PDZRN4: variants seen among roughly 807,000 people sequenced by gnomAD.
PDZRN4 encodes the protein PDZ domain-containing RING finger protein 4.
A neutral mutation model predicts 99.0 loss-of-function variants in PDZRN4; 70 were observed. The observed-to-expected ratio is 0.71, with a 90% CI of 0.58 to 0.86. The LOEUF is 0.86. PDZRN4 is among the 40% of genes least tolerant of loss of function. The pLI is 0.00. For synonymous variants in PDZRN4, 551 were observed against 501.6 expected, an observed-to-expected ratio of 1.10 and a Z score of -1.32; for missense variants, 1,474 against 1,331.2, an observed-to-expected ratio of 1.11 and a Z score of -1.67.
At chr12:41,459,000 ATTAGGTTTGAG>A (rs1420704554) in intron 3 of PDZRN4, among the ~76,000 whole-genome samples, 2 of 40,240 alleles carry the variant, frequency 5.0e-5, no homozygotes, top group Non-Finnish European at 9.5e-5. Context: ...TAGATGAGGA[ATTAGGTTTGAG>A]ATCAGAGTTC....
chr12:41,557,560 G>A (rs759743042), intron 7 of PDZRN4, among the ~76,000 whole-genome samples: 24 of 152,124 alleles, frequency 1.6e-4, no homozygotes, highest in Admixed American at 6.5e-4. Context: ...CTCTGCCTGC[G>A]TGGCCTGGGC....
chr12:41,566,315 T>C (rs189647171), intron 8 of PDZRN4, among the ~76,000 whole-genome samples: 187 of 152,298 alleles, frequency 1.2e-3, no homozygotes, highest in Non-Finnish European at 2.1e-3. Flanking sequence ...AATTCCTTGA[T>C]GTGTTTGTGA....
At chr12:41,207,047 A>AT (rs1184600346) in intron 3 of PDZRN4, among the ~76,000 whole-genome samples, 8 of 151,962 alleles carry the variant, frequency 5.3e-5, no homozygotes, top group Admixed American at 2.0e-4. Flanking sequence ...CTTCTTCTGA[A>AT]TGTGTAGGTG....
intron 3 of PDZRN4, among the ~76,000 whole-genome samples, chr12:41,394,406 T>G (rs1270990156): frequency 1.3e-5 from 2 of 152,230 alleles, no homozygotes; most frequent in Admixed American, 6.5e-5. Context: ...CTTTGTATGA[T>G]AGCAGAATCT....
At chr12:41,381,922 G>C (rs1452263718) in intron 3 of PDZRN4, among the ~76,000 whole-genome samples, 1 of 152,124 alleles carries the variant, frequency 6.6e-6, no homozygotes, top group East Asian at 1.9e-4. Context: ...CCAGCTGGTA[G>C]CATTTACAGG....
At chr12:41,524,215 G>A (rs543125696) in intron 5 of PDZRN4, among the ~76,000 whole-genome samples, 1 of 152,202 alleles carries the variant, frequency 6.6e-6, no homozygotes, top group East Asian at 1.9e-4. Flanking sequence ...AGCAGACACA[G>A]ACAAATGGAA....
At chr12:41,494,474 A>G (rs1937953685) in intron 3 of PDZRN4, among the ~76,000 whole-genome samples, 1 of 152,120 alleles carries the variant, frequency 6.6e-6, no homozygotes, top group Admixed American at 6.6e-5. Flanking sequence ...TGTTGTTATT[A>G]TAGTCTATTT....
intron 5 of PDZRN4, among the ~76,000 whole-genome samples, chr12:41,547,897 G>A (rs1285930626): frequency 6.6e-6 from 1 of 152,186 alleles, no homozygotes; most frequent in Non-Finnish European, 1.5e-5. Flanking sequence ...CCTGGGCCTA[G>A]AGAAATGTGA....
At chr12:41,395,924 A>G (rs1363862851) in intron 3 of PDZRN4, among the ~76,000 whole-genome samples, 1 of 152,044 alleles carries the variant, frequency 6.6e-6, no homozygotes, top group African/African-American at 2.4e-5. Flanking sequence ...GTAGTACCCT[A>G]TGTTTAATAT....
intron 5 of PDZRN4, among the ~76,000 whole-genome samples, chr12:41,529,292 C>A (rs2120734039): frequency 6.6e-6 from 1 of 152,210 alleles, no homozygotes; most frequent in South Asian, 2.1e-4. Flanking sequence ...GTATTACACT[C>A]ATTTCTCATT....
At chr12:41,343,943 A>G (rs1030180565) in intron 3 of PDZRN4, among the ~76,000 whole-genome samples, 1 of 152,100 alleles carries the variant, frequency 6.6e-6, no homozygotes, top group African/African-American at 2.4e-5. Flanking sequence ...TGGCAGTCTT[A>G]TGGTATATTA....
At chr12:41,570,866 C>A (rs534494882) in intron 9 of PDZRN4, among the ~76,000 whole-genome samples, 8 of 152,096 alleles carry the variant, frequency 5.3e-5, no homozygotes, top group South Asian at 4.1e-4. Flanking sequence ...ATGTTTTCAA[C>A]AAATGAAGGA....
At chr12:41,247,207 A>G (rs1486482784) in intron 3 of PDZRN4, among the ~76,000 whole-genome samples, 1 of 152,198 alleles carries the variant, frequency 6.6e-6, no homozygotes, top group Non-Finnish European at 1.5e-5. Context: ...TGGAGGAACG[A>G]TGTATCACAG....
chr12:41,239,284 G>A (rs570893439), intron 3 of PDZRN4, among the ~76,000 whole-genome samples: 16 of 152,154 alleles, frequency 1.1e-4, no homozygotes, highest in Middle Eastern at 3.4e-3. Flanking sequence ...GGACACATGC[G>A]GGCTGAACCA....
intron 3 of PDZRN4, among the ~76,000 whole-genome samples, chr12:41,458,972 A>G (rs1254344208): frequency 6.6e-6 from 1 of 152,006 alleles, no homozygotes; most frequent in East Asian, 1.9e-4. Flanking sequence ...GAAACAGAGA[A>G]GGGCAGATCT....
At chr12:41,240,857 C>G (rs1184811410) in intron 3 of PDZRN4, among the ~76,000 whole-genome samples, 1 of 152,110 alleles carries the variant, frequency 6.6e-6, no homozygotes, top group Non-Finnish European at 1.5e-5. Context: ...GACCCACCTC[C>G]TAATACTATC....
At chr12:41,230,629 A>G (rs1198478933) in intron 3 of PDZRN4, among the ~76,000 whole-genome samples, 1 of 152,138 alleles carries the variant, frequency 6.6e-6, no homozygotes, top group Non-Finnish European at 1.5e-5. Context: ...GGAATCAGTA[A>G]CATCCTAGTC....
At chr12:41,408,766 CTCTCTCTCTCTCTGTCT>C (rs1475620896) in intron 3 of PDZRN4, among the ~76,000 whole-genome samples, 1 of 151,306 alleles carries the variant, frequency 6.6e-6, no homozygotes, top group African/African-American at 2.4e-5. Context: ...ATTTCTCTCT[CTCTCTCTCTCTCTGTCT>C]TCTCTCTCTC....
At chr12:41,341,873 A>G (rs1001650868) in intron 3 of PDZRN4, among the ~76,000 whole-genome samples, 1 of 151,920 alleles carries the variant, frequency 6.6e-6, no homozygotes, top group Non-Finnish European at 1.5e-5. Context: ...TGAAAACACA[A>G]AAGACCCTGA....
Sources: gnomAD v4.1 joint callset for allele counts (sites outside exome capture counted in the v4.1 genomes callset) on GRCh38, gnomAD v4.1.1 for gene constraint, MANE v1.5 for transcripts, NCBI Gene and HGNC (gene_info 2026-07-23, HGNC 2026-07-21) for gene names.